Variants in ANP32B observed in about 807,000 individuals in gnomAD.
ANP32B encodes acidic nuclear phosphoprotein 32 family member B.
A neutral mutation model predicts 32.2 loss-of-function variants in ANP32B; 6 were observed. The observed-to-expected ratio is 0.19, with a 90% CI of 0.10 to 0.37. The LOEUF (loss-of-function observed/expected upper bound fraction) is 0.37, where lower values mean the gene tolerates loss of function less well. Among genes scored for constraint, ANP32B ranks in the 10% least tolerant of loss-of-function variants. The probability of loss-of-function intolerance (pLI) is 1.00; values close to 1 mark genes in which losing one functional copy is unlikely to be tolerated. For missense variants in ANP32B, 204 were observed against 289.2 expected (o/e 0.71, Z 2.14); for synonymous variants, 98 against 105.8 (o/e 0.93, Z 0.45).
At chr9:97,990,729 C>T (rs1425135953) in intron 1 of ANP32B, among the ~76,000 whole-genome samples, 1 of 151,770 alleles carries the variant, frequency 6.6e-6, no homozygotes, top group African/African-American at 2.4e-5. Context: ...TCCTAGCCAT[C>T]TCTCTTGAAG....
chr9:97,993,514 C>G (rs1269073087), intron 1 of ANP32B, among the ~76,000 whole-genome samples: 1 of 152,084 alleles, frequency 6.6e-6, no homozygotes, highest in African/African-American at 2.4e-5. Context: ...GTGAGTAGAT[C>G]AAAGTGAGCT....
chr9:98,000,212 C>T (rs959720296), intron 3 of ANP32B, among the ~76,000 whole-genome samples: 6 of 152,188 alleles, frequency 3.9e-5, no homozygotes, highest in African/African-American at 1.2e-4. Context: ...CTCCTGCCCT[C>T]AAGTGATCCT....
chr9:98,008,680 T>C (rs1168785868), intron 4 of ANP32B, among the ~76,000 whole-genome samples: 1 of 152,194 alleles, frequency 6.6e-6, no homozygotes, highest in East Asian at 1.9e-4. Context: ...TGGAGTATAC[T>C]GGACATAAGC....
At chr9:98,014,555 TTAA>T (rs951847471) in intron 6 of ANP32B, among the ~76,000 whole-genome samples, 13 of 152,236 alleles carry the variant, frequency 8.5e-5, no homozygotes, top group Non-Finnish European at 1.5e-4. Flanking sequence ...TCCTTTTTAG[TTAA>T]TATTAGTTTG....
intron 1 of ANP32B, 31 bp downstream of exon 1, chr9:97,983,640 C>T (rs1386615354): frequency 1.3e-6 from 2 of 1,522,782 alleles, no homozygotes; most frequent in African/African-American, 2.8e-5. Context: ...GTGCCCTCTC[C>T]CCCGATGACT....
chr9:98,010,262 G>GTTTTTTTTTTTTTTTTTTTTT, intron 4 of ANP32B, among the ~76,000 whole-genome samples: 1 of 138,832 alleles, frequency 7.2e-6, no homozygotes. Flanking sequence ...GAGAAATGGT[G>GTTTTTTTTTTTTTTTTTTTTT]TTTTTTTTTT....
chr9:98,010,270 T>G (rs994619433), intron 4 of ANP32B, among the ~76,000 whole-genome samples: 5 of 151,132 alleles, frequency 3.3e-5, no homozygotes, highest in Non-Finnish European at 4.4e-5. Flanking sequence ...GTGTTTTTTT[T>G]TTTTTGTTTT....
At chr9:98,007,893 G>A (rs534069639) in intron 4 of ANP32B, among the ~76,000 whole-genome samples, 3 of 152,302 alleles carry the variant, frequency 2.0e-5, no homozygotes, top group South Asian at 2.1e-4. Flanking sequence ...GCGAGATGGC[G>A]TTCTAAAGGT....
intron 6 of ANP32B, 46 bp downstream of exon 6, chr9:98,012,518 A>G (rs758493977): frequency 4.4e-6 from 7 of 1,605,314 alleles, no homozygotes; most frequent in Non-Finnish European, 5.9e-6. Flanking sequence ...TAAAAATTAG[A>G]GAAAAACATC....
chr9:97,985,102 G>A (rs1368712422), intron 1 of ANP32B, among the ~76,000 whole-genome samples: 1 of 150,948 alleles, frequency 6.6e-6, no homozygotes. Context: ...GGGCCAGTTA[G>A]CGCCGCGGCC....
intron 1 of ANP32B, among the ~76,000 whole-genome samples, chr9:97,985,233 G>A (rs1489092730): frequency 6.6e-6 from 1 of 152,060 alleles, no homozygotes; most frequent in African/African-American, 2.4e-5. Context: ...TTAACAAGTC[G>A]CGAACTTGTG....
intron 4 of ANP32B, among the ~76,000 whole-genome samples, chr9:98,010,025 C>G (rs557662425): frequency 2.7e-4 from 41 of 151,852 alleles, no homozygotes; most frequent in Non-Finnish European, 3.8e-4. Flanking sequence ...TCCTAAAAAC[C>G]ATTTGTGCTT....
intron 2 of ANP32B, among the ~76,000 whole-genome samples, chr9:97,995,038 A>G (rs973455048): frequency 6.6e-6 from 1 of 152,256 alleles, no homozygotes; most frequent in African/African-American, 2.4e-5. Flanking sequence ...AAGTTTGGAA[A>G]TAATGCATGT....
At chr9:98,006,691 AC>A (rs1828089089) in intron 4 of ANP32B, among the ~76,000 whole-genome samples, 1 of 152,132 alleles carries the variant, frequency 6.6e-6, no homozygotes, top group African/African-American at 2.4e-5. Context: ...AAGCCATGAA[AC>A]CTTCAAAACC....
chr9:98,005,423 G>A (rs547154846), intron 4 of ANP32B: 59 of 207,480 alleles, frequency 2.8e-4, no homozygotes, highest in African/African-American at 1.3e-3. Flanking sequence ...ACTGGAGGCC[G>A]AGGTGGGAGG....
At chr9:97,996,065 C>G (rs1002559155) in intron 2 of ANP32B, among the ~76,000 whole-genome samples, 2 of 151,626 alleles carry the variant, frequency 1.3e-5, no homozygotes, top group Admixed American at 6.6e-5. Flanking sequence ...GTGACCGTTT[C>G]TGATGAGAAA....
In ANP32B at chr9:98,004,964, A is replaced by G. The variant is rs777366211; in HGVS notation, c.328A>G (p.Lys110Glu). The stretch of plus-strand genomic sequence containing the variant: ...TGTGGTTTTTGATCCTTTTCTTCAG[A>G]AAAAGTTAGAATGTCTGAAAAGCCT... The part of the protein sequence containing the change: ...LKDISTLEPL[K>E]KLECLKSLDL... The change falls in exon 4 of 7, where the codon AAA becomes GAA. Residue 110 changes from lysine (K) to glutamate (E), a missense_variant and splice_region_variant. Coordinates refer to ENST00000339399, the MANE Select transcript of ANP32B (RefSeq NM_006401.3). 6.3e-7 allele frequency: 1 copy of G among 1,599,574 alleles called. No individual in the cohort carries two copies. Among genetic ancestry groups the G allele is most frequent in the South Asian group, 1.1e-5 (1 of 89,826 alleles).
intron 3 of ANP32B, among the ~76,000 whole-genome samples, chr9:98,003,973 C>T (rs1374695079): frequency 2.0e-5 from 3 of 152,214 alleles, no homozygotes; most frequent in African/African-American, 4.8e-5. Context: ...CTACAAGGGT[C>T]TGCTGTCACT....
chr9:98,003,225 T>C (rs913608062), intron 3 of ANP32B, among the ~76,000 whole-genome samples: 2 of 152,148 alleles, frequency 1.3e-5, no homozygotes, highest in African/African-American at 4.8e-5. Flanking sequence ...ATTGTACAAT[T>C]TGTGTTTTGA....
Sources: gnomAD v4.1 joint callset for allele counts (sites outside exome capture counted in the v4.1 genomes callset) on GRCh38, gnomAD v4.1.1 for gene constraint, MANE v1.5 for transcripts, NCBI Gene and HGNC (gene_info 2026-07-23, HGNC 2026-07-21) for gene names.